Variants in DHRSX observed in about 807,000 individuals in gnomAD.
DHRSX encodes the protein dehydrogenase/reductase X-linked.
DHRSX carries 31 observed loss-of-function variants against 34.0 expected under a neutral mutation model. The observed-to-expected ratio is 0.91, with a 90% confidence interval of 0.69 to 1.23. The LOEUF is 1.23. Among genes scored for constraint, DHRSX ranks in the 50% most tolerant of loss-of-function variants. The pLI, the probability that DHRSX is intolerant of heterozygous loss-of-function variation, is 0.00. For synonymous variants in DHRSX, 201 were observed against 183.8 expected (o/e 1.09, Z -0.76); for missense variants, 414 against 428.1 (o/e 0.97, Z 0.29).
intron 3 of DHRSX, among the ~76,000 whole-genome samples, chrX:2,298,602 A>ACG (rs2041964859): frequency 7.3e-5 from 1 of 13,710 alleles, no homozygotes; most frequent in Non-Finnish European, 2.8e-4. Flanking sequence ...GCGCGTGTGT[A>ACG]CACACACACA....
intron 3 of DHRSX, among the ~76,000 whole-genome samples, chrX:2,347,374 C>A (rs1415153955): frequency 2.6e-5 from 4 of 152,190 alleles, no homozygotes; most frequent in African/African-American, 9.7e-5. Flanking sequence ...CCCACTGGGT[C>A]CCTCCCACAA....
At chrX:2,356,252 G>C (rs1366819999) in intron 3 of DHRSX, among the ~76,000 whole-genome samples, 1 of 151,996 alleles carries the variant, frequency 6.6e-6, no homozygotes, top group African/African-American at 2.4e-5. Context: ...GTGGGCACCT[G>C]TAATCCCAGC....
chrX:2,479,366 A>T (rs1480645654), intron 1 of DHRSX, among the ~76,000 whole-genome samples: 1 of 149,260 alleles, frequency 6.7e-6, no homozygotes, highest in Non-Finnish European at 1.5e-5. Flanking sequence ...CGCCACGTAC[A>T]CACTGAAGAC....
chrX:2,484,909 A>G (rs893172573), intron 1 of DHRSX, among the ~76,000 whole-genome samples: 2 of 151,328 alleles, frequency 1.3e-5, no homozygotes, highest in East Asian at 1.9e-4. Flanking sequence ...TCGGCACCCC[A>G]GAAACAGCCC....
At chrX:2,418,309 T>A (rs1364394642) in intron 2 of DHRSX, among the ~76,000 whole-genome samples, 1 of 152,150 alleles carries the variant, frequency 6.6e-6, no homozygotes. Context: ...GGAGACGTTA[T>A]CATGATCTAA....
intron 1 of DHRSX, among the ~76,000 whole-genome samples, chrX:2,469,991 A>G (rs2044563987): frequency 1.3e-5 from 2 of 151,956 alleles, no homozygotes; most frequent in Non-Finnish European, 2.9e-5. Context: ...AAGATATACA[A>G]TCAACCCATG....
chrX:2,435,747 A>T (rs1417165383), intron 1 of DHRSX, among the ~76,000 whole-genome samples: 2 of 152,236 alleles, frequency 1.3e-5, no homozygotes, highest in Non-Finnish European at 2.9e-5. Flanking sequence ...CCTGGGCAAC[A>T]GAGCAAGATC....
At chrX:2,459,550 G>GTATATATATATATATATATA (rs57748851) in intron 1 of DHRSX, among the ~76,000 whole-genome samples, 6 of 137,786 alleles carry the variant, frequency 4.4e-5, no homozygotes, top group South Asian at 2.3e-4. Flanking sequence ...GTGTCTGTGT[G>GTATATATATATATATATATA]TATATATATA....
intron 3 of DHRSX, among the ~76,000 whole-genome samples, chrX:2,397,750 A>G (rs2043429831): frequency 6.6e-6 from 1 of 152,130 alleles, no homozygotes; most frequent in Non-Finnish European, 1.5e-5. Flanking sequence ...TTGTAAAACA[A>G]CCCCAGTCCT....
intron 1 of DHRSX, among the ~76,000 whole-genome samples, chrX:2,429,450 GCT>G (rs1491525153): frequency 1.8e-5 from 1 of 56,582 alleles, no homozygotes; most frequent in African/African-American, 2.0e-4. Flanking sequence ...TCTCTGTGAT[GCT>G]TTTTTTTTTT....
At chrX:2,233,841 T>C (rs749602608) in intron 6 of DHRSX, among the ~76,000 whole-genome samples, 19 of 152,116 alleles carry the variant, frequency 1.2e-4, no homozygotes, top group Admixed American at 9.2e-4. Flanking sequence ...ACAAGCAATA[T>C]AGTCAGAGAG....
intron 3 of DHRSX, among the ~76,000 whole-genome samples, chrX:2,303,848 G>A (rs1413151884): frequency 2.6e-5 from 1 of 38,046 alleles, no homozygotes; most frequent in Non-Finnish European, 1.3e-4. Context: ...TGGATGGATG[G>A]ATGGGTGGAT....
chrX:2,356,858 G>C (rs2042859799), intron 3 of DHRSX, among the ~76,000 whole-genome samples: 1 of 152,174 alleles, frequency 6.6e-6, no homozygotes, highest in South Asian at 2.1e-4. Context: ...ATAGAACATA[G>C]AAAATATGAA....
intron 3 of DHRSX, among the ~76,000 whole-genome samples, chrX:2,386,280 A>G (rs1329938823): frequency 6.6e-6 from 1 of 152,012 alleles, no homozygotes; most frequent in Non-Finnish European, 1.5e-5. Context: ...GTGCAGTGGC[A>G]TGATTTCAGC....
At position 2,259,376 on chromosome X, in the gene DHRSX, A is replaced by AT. The variant is rs1491361947; in HGVS notation, c.596+7363dup. ...TATAGATAGATATAGATATATATAG[A>AT]TATATATATAGATATATAGATATAT... On this transcript the variant is annotated intron_variant, in intron 5 of 6. Transcript: ENST00000334651. 1.2e-4 allele frequency among the ~76,000 whole-genome samples: 3 copies of AT among 25,122 alleles called. No individual in the cohort carries two copies. In the South Asian group the frequency reaches 2.3e-3, roughly 20 times the overall value. The allele number at this position is 25,122 out of a possible 152,430, so 16.5% of individuals were successfully genotyped here. A position where few individuals can be genotyped will look rare whatever the true frequency, so the allele number is the denominator to read the frequency against.
At chrX:2,351,919 C>A (rs748720328) in intron 3 of DHRSX, among the ~76,000 whole-genome samples, 20 of 152,282 alleles carry the variant, frequency 1.3e-4, no homozygotes, top group Middle Eastern at 3.4e-3. Flanking sequence ...AGGGTTCCAC[C>A]ATAACAGCCA....
At chrX:2,465,771 T>C (rs1237998327) in intron 1 of DHRSX, among the ~76,000 whole-genome samples, 2 of 145,322 alleles carry the variant, frequency 1.4e-5, no homozygotes, top group African/African-American at 5.2e-5. Flanking sequence ...ATTCAGCCAT[T>C]GCACTCTAGC....
At chrX:2,240,425 G>A (rs1006356807) in intron 6 of DHRSX, among the ~76,000 whole-genome samples, 1 of 151,938 alleles carries the variant, frequency 6.6e-6, no homozygotes, top group Non-Finnish European at 1.5e-5. Context: ...GTCCACATTG[G>A]GGGCGGGCAG....
intron 5 of DHRSX, among the ~76,000 whole-genome samples, chrX:2,248,952 T>C (rs1408318873): frequency 6.6e-6 from 1 of 152,186 alleles, no homozygotes; most frequent in African/African-American, 2.4e-5. Context: ...TATGTATCCA[T>C]CGAGTAAACT....
Sources: allele counts gnomAD v4.1 joint callset (sites outside exome capture counted in the v4.1 genomes callset), GRCh38; gene constraint gnomAD v4.1.1; transcripts MANE v1.5; gene names NCBI Gene and HGNC (gene_info 2026-07-23, HGNC 2026-07-21).